Variants in LIPH observed in about 807,000 individuals in gnomAD.
LIPH encodes lipase member H.
LIPH carries 32 observed loss-of-function variants against 47.6 expected under a neutral mutation model. The observed-to-expected ratio is 0.67, with a 90% CI of 0.51 to 0.90. The LOEUF is 0.90. LIPH is among the 40% of genes least tolerant of loss of function. The pLI is 0.00. For synonymous variants in LIPH, 190 were observed against 195.6 expected (o/e 0.97, Z 0.24); for missense variants, 497 against 541.4 (o/e 0.92, Z 0.81).
chr3:185,509,995 G>A (rs545402709), intron 9 of LIPH, among the ~76,000 whole-genome samples: 1 of 147,138 alleles, frequency 6.8e-6, no homozygotes, highest in African/African-American at 2.5e-5. Context: ...CACCCAGGCT[G>A]GAGTGCAGTG....
At chr3:185,511,445 C>A (rs978294041) in intron 9 of LIPH, 79 bp downstream of exon 9, 11 of 1,297,238 alleles carry the variant, frequency 8.5e-6, no homozygotes, top group Non-Finnish European at 1.1e-5. Context: ...CTTATTAACA[C>A]ATCAGACCAA....
At position 185,506,571 on chromosome 3, in the gene LIPH, A is replaced by ACC. The variant is rs1207375385; in HGVS notation, c.*2218_*2219insGG. On this transcript the variant is annotated 3_prime_UTR_variant, in exon 10 of 10. Coordinates refer to ENST00000296252, the MANE Select transcript of LIPH (RefSeq NM_139248.3). The stretch of plus-strand genomic sequence containing the variant: ...TAAGAAGAAACCAGGGCTGCCGGGT[A>ACC]CGATGGCTCACACCTGTAATCCCAG... 6.6e-6 allele frequency: 1 copy of ACC among 152,254 alleles called. No individual in the cohort carries two copies. The highest frequency in any genetic ancestry group is 2.4e-5 in the African/African-American group (1 of 41,462). 9.4% of individuals were successfully genotyped at this position (152,254 alleles called of 1,614,324 possible).
intron 1 of LIPH, among the ~76,000 whole-genome samples, chr3:185,549,651 G>T (rs879134378): frequency 6.6e-6 from 1 of 152,182 alleles, no homozygotes; most frequent in Admixed American, 6.5e-5. Context: ...TTCTAGGCCA[G>T]GCACAATGGT....
intron 7 of LIPH, among the ~76,000 whole-genome samples, chr3:185,516,096 T>C (rs2148948476): frequency 6.6e-6 from 1 of 152,146 alleles, no homozygotes; most frequent in African/African-American, 2.4e-5. Context: ...ATTGTGCCAC[T>C]GCACTCCAGC....
Position 185,524,151 on chromosome 3 carries a change from T to C in LIPH, c.638A>G (p.Tyr213Cys). ...GTCTATGTTTCCTAATGGCTCCTTGTAGCCCAGTGCTAAAAGAGAACACAT... is the reference window on the plus strand; with the variant it reads ...GTCTATGTTTCCTAATGGCTCCTTGCAGCCCAGTGCTAAAAGAGAACACAT... ...VIHSDTDALG[Y>C]KEPLGNIDFY... Residue 213 changes from tyrosine to cysteine, a missense_variant, in exon 5 of 10, where the codon TAC becomes TGC. Coordinates refer to ENST00000296252, the MANE Select transcript of LIPH (RefSeq NM_139248.3). The C allele has an allele frequency of 1.2e-6, 2 of 1,604,804 alleles. No individual in the cohort carries two copies. The highest frequency in any genetic ancestry group is 1.7e-6 in the Non-Finnish European group (2 of 1,171,438).
At chr3:185,541,672 T>C (rs981136818) in intron 1 of LIPH, among the ~76,000 whole-genome samples, 5 of 149,098 alleles carry the variant, frequency 3.4e-5, no homozygotes, top group Non-Finnish European at 7.5e-5. Flanking sequence ...TCCCAAAGTG[T>C]GGGATTATAG....
chr3:185,534,764 C>A lies in LIPH; in HGVS notation c.417+1G>T. On this transcript the variant is annotated splice_donor_variant, in intron 2 of 9. Coordinates refer to ENST00000296252, the MANE Select transcript of LIPH (RefSeq NM_139248.3). LOFTEE classifies it high-confidence loss of function. Reference sequence around the variant, plus strand: ...TGAATCATCTAAGAGAATTCTCTTACCAACATCTGGTCAATAAATTCCTTC... The same window carrying A: ...TGAATCATCTAAGAGAATTCTCTTAACAACATCTGGTCAATAAATTCCTTC... 1 of 1,613,146 alleles carries A rather than the reference C, an allele frequency of 6.2e-7. No homozygotes were observed. The highest frequency in any genetic ancestry group is 8.5e-7 in the Non-Finnish European group (1 of 1,179,854).
At chr3:185,526,450 G>T (rs936481777) in intron 4 of LIPH, among the ~76,000 whole-genome samples, 2 of 151,396 alleles carry the variant, frequency 1.3e-5, no homozygotes, top group African/African-American at 4.9e-5. Flanking sequence ...GAACCCAGGA[G>T]GCAGATGTTG....
chr3:185,524,630 T>G (rs1205786718), intron 4 of LIPH, among the ~76,000 whole-genome samples: 1 of 152,078 alleles, frequency 6.6e-6, no homozygotes, highest in Non-Finnish European at 1.5e-5. Flanking sequence ...TTTGTGTTTT[T>G]AGTAGAGACG....
chr3:185,514,885 C>T (rs185364684), intron 7 of LIPH, among the ~76,000 whole-genome samples: 8 of 152,278 alleles, frequency 5.3e-5, no homozygotes, highest in African/African-American at 1.9e-4. Context: ...AGGGCTGAGA[C>T]GGTTTTCCAC....
chr3:185,552,448 G>T lies in LIPH; in HGVS notation c.24C>A (p.Ile8=), dbSNP rs760599764. The part of the protein sequence containing the change: MLRFYLF[I]SLLCLSRSDA... ...CTGATCTTGACAAGCACAACAAACT[G>T]ATGAATAAGTAGAATCTCAACATAT... Residue 8 remains isoleucine, a synonymous_variant, in exon 1 of 10, where the codon ATC becomes ATA. Transcript: ENST00000296252. 1.9e-5 allele frequency: 30 copies of T among 1,608,838 alleles called. No homozygotes were observed. Among genetic ancestry groups the T allele is most frequent in the Non-Finnish European group, 2.4e-5 (28 of 1,175,372 alleles).
At chr3:185,533,358 A>G (rs746865577) in intron 3 of LIPH, among the ~76,000 whole-genome samples, 3 of 152,188 alleles carry the variant, frequency 2.0e-5, no homozygotes, top group Non-Finnish European at 2.9e-5. Context: ...TATAGTATAC[A>G]CAATTTACAA....
At chr3:185,518,235 G>A (rs1439972403) in intron 6 of LIPH, among the ~76,000 whole-genome samples, 1 of 152,114 alleles carries the variant, frequency 6.6e-6, no homozygotes, top group Admixed American at 6.6e-5. Context: ...CCTTCTGGAT[G>A]GAATACTCTA....
chr3:185,518,700 AT>A lies in LIPH; in HGVS notation c.886+441del, dbSNP rs1006168177. 5.2e-3 allele frequency among the ~76,000 whole-genome samples: 782 copies of A among 151,554 alleles called. 9 individuals are homozygous for A. Among genetic ancestry groups the A allele is most frequent in the African/African-American group, 0.018 (742 of 41,356 alleles). On this transcript the variant is annotated intron_variant, in intron 6 of 9. Coordinates refer to ENST00000296252, the MANE Select transcript of LIPH (RefSeq NM_139248.3). ...TTTAAAATTTTTTTCTTTTTAAGAA[AT>A]TTTTTTTTAAATTTTAACCTTTTAT...
At chr3:185,521,099 C>G (rs1486816161) in intron 5 of LIPH, among the ~76,000 whole-genome samples, 2 of 152,082 alleles carry the variant, frequency 1.3e-5, no homozygotes, top group Non-Finnish European at 2.9e-5. Context: ...AACTCCTGAC[C>G]TCAGGTGATC....
chr3:185,546,762 A>G (rs1720885861), intron 1 of LIPH: 1 of 333,912 alleles, frequency 3.0e-6, no homozygotes, highest in Non-Finnish European at 5.7e-6. Context: ...CTGCGATCAC[A>G]CTACTGCACT....
Position 185,506,955 on chromosome 3 carries a change from C to T in LIPH, c.*1835G>A, listed in dbSNP as rs925644387. ...TGGTAACATGTCCAAGAGCTTGTTC[C>T]ACTCAGAGTTCAGTCATCCCTCACT... On this transcript the variant is annotated 3_prime_UTR_variant, in exon 10 of 10. Coordinates refer to ENST00000296252, the MANE Select transcript of LIPH (RefSeq NM_139248.3). 2 of 151,802 alleles carry T rather than the reference C, an allele frequency of 1.3e-5. No homozygotes were observed. The highest frequency in any genetic ancestry group is 2.9e-5 in the Non-Finnish European group (2 of 68,016). The allele number at this position is 151,802 out of a possible 1,614,324, so 9.4% of individuals were successfully genotyped here.
At chr3:185,535,634 AC>A (rs1390390523) in intron 1 of LIPH, among the ~76,000 whole-genome samples, 3 of 148,474 alleles carry the variant, frequency 2.0e-5, no homozygotes, top group Non-Finnish European at 3.0e-5. Flanking sequence ...ACAGAGTCTC[AC>A]TCTGTCGCCC....
intron 1 of LIPH, among the ~76,000 whole-genome samples, chr3:185,539,430 C>T (rs1329781983): frequency 6.9e-6 from 1 of 145,610 alleles, no homozygotes; most frequent in Non-Finnish European, 1.5e-5. Context: ...AGTGCAGTGG[C>T]GTGATCTTGG....
Sources: allele counts gnomAD v4.1 joint callset (sites outside exome capture counted in the v4.1 genomes callset), GRCh38; gene constraint gnomAD v4.1.1; transcripts MANE v1.5; gene names NCBI Gene and HGNC (gene_info 2026-07-23, HGNC 2026-07-21).